The following ERLEC1 variants were observed in gnomAD, a reference collection of about 807,000 sequenced individuals.
ERLEC1 encodes the protein ER lectin.
ERLEC1 carries 47 observed loss-of-function variants against 68.0 expected under a neutral mutation model. The ratio of observed to expected loss-of-function variants is 0.69; its 90% CI spans 0.55 to 0.88. The LOEUF (loss-of-function observed/expected upper bound fraction) is 0.88. Among genes scored for constraint, ERLEC1 ranks in the 40% least tolerant of loss-of-function variants. The pLI is 0.00. For synonymous variants in ERLEC1, 225 were observed against 203.2 expected, an observed-to-expected ratio of 1.11 and a Z score of -0.91; for missense variants, 567 against 583.8, an observed-to-expected ratio of 0.97 and a Z score of 0.30.
At chr2:53,797,434 T>C in intron 3 of ERLEC1, 81 bp from the exon 4 acceptor site, 1 of 974,472 alleles carries the variant, frequency 1.0e-6, no homozygotes, top group Non-Finnish European at 1.5e-6. Context: ...TTAGGGGAAG[T>C]CTCAGCTGCT....
chr2:53,795,784 C>T (rs528302767), intron 2 of ERLEC1, 149 bp from the exon 3 acceptor site: 13 of 520,506 alleles, frequency 2.5e-5, no homozygotes, highest in South Asian at 1.1e-4. Context: ...AAAGCAATGG[C>T]GTACCGTAGG....
intron 1 of ERLEC1, chr2:53,788,590 G>T (rs1675211241): frequency 6.6e-6 from 1 of 151,538 alleles, no homozygotes; most frequent in African/African-American, 2.4e-5. Context: ...TAGAGGCAGG[G>T]TCTCACTATG....
chr2:53,798,942 C>T, intron 5 of ERLEC1, 105 bp from the exon 6 acceptor site: 2 of 881,146 alleles, frequency 2.3e-6, no homozygotes. Context: ...GTGTTTTGGA[C>T]CTTCTTTAGA....
intron 2 of ERLEC1, among the ~76,000 whole-genome samples, chr2:53,794,695 G>A (rs778498702): frequency 6.0e-5 from 9 of 151,096 alleles, no homozygotes; most frequent in African/African-American, 2.0e-4. Flanking sequence ...TCACTCTATC[G>A]CCAGGCTGGA....
chr2:53,801,365 G>T, intron 6 of ERLEC1, 32 bp from the exon 7 acceptor site: 1 of 1,568,266 alleles, frequency 6.4e-7, no homozygotes. Context: ...CATGTCTAAT[G>T]AAAAGTCTGT....
chr2:53,809,682 G>C (rs2692521), intron 10 of ERLEC1, among the ~76,000 whole-genome samples: 1 of 151,924 alleles, frequency 6.6e-6, no homozygotes, highest in African/African-American at 2.4e-5. Context: ...CTCGGGAGGC[G>C]GAGGAGGTTG....
At chr2:53,799,377 A>G (rs1037351971) in intron 6 of ERLEC1, among the ~76,000 whole-genome samples, 3 of 152,202 alleles carry the variant, frequency 2.0e-5, no homozygotes, top group African/African-American at 7.2e-5. Context: ...TTCCCTCTAT[A>G]TAACACTGGA....
At chr2:53,799,171 A>G in intron 6 of ERLEC1, 90 bp downstream of exon 6, 1 of 1,094,044 alleles carries the variant, frequency 9.1e-7, no homozygotes. Context: ...ATATATCTTT[A>G]TGTTCTTATT....
In ERLEC1 at chr2:53,801,846, T is replaced by C. The variant is rs1463568978; in HGVS notation, c.879+4T>C. The C allele has an allele frequency of 5.0e-6, 8 of 1,611,378 alleles. No individual in the cohort carries two copies. In the African/African-American group the frequency reaches 6.7e-5, roughly 13 times the overall value. On this transcript the variant is annotated splice_donor_region_variant and intron_variant, in intron 8 of 13. Coordinates refer to ENST00000185150, the MANE Select transcript of ERLEC1 (RefSeq NM_015701.5). ...GCCTTTTAGGAGAAATAAAGAGGTA[T>C]GAGAATTGTCTAATGATAGCTTTTT...
At chr2:53,802,892 C>T (rs1676079511) in intron 8 of ERLEC1, among the ~76,000 whole-genome samples, 1 of 152,124 alleles carries the variant, frequency 6.6e-6, no homozygotes, top group South Asian at 2.1e-4. Flanking sequence ...CCACCTCACC[C>T]AGCCCTACTT....
chr2:53,816,445 T>C (rs1176684985), intron 13 of ERLEC1, among the ~76,000 whole-genome samples: 1 of 151,922 alleles, frequency 6.6e-6, no homozygotes, highest in Non-Finnish European at 1.5e-5. Flanking sequence ...ATTTTTGTAT[T>C]TTTAGTAGAG....
At chr2:53,803,237 CTT>C (rs939789927) in intron 8 of ERLEC1, among the ~76,000 whole-genome samples, 7 of 152,186 alleles carry the variant, frequency 4.6e-5, no homozygotes, top group African/African-American at 1.4e-4. Flanking sequence ...TTACTGGACT[CTT>C]TGTGCATGTT....
intron 8 of ERLEC1, among the ~76,000 whole-genome samples, chr2:53,804,224 T>G (rs983503353): frequency 6.6e-6 from 1 of 152,176 alleles, no homozygotes; most frequent in Non-Finnish European, 1.5e-5. Flanking sequence ...ATTTATGGAG[T>G]ACATGAGATA....
rs950030945 is a variant in ERLEC1, at chr2:53,813,188, A to G, written c.1226+115A>G. The G allele has an allele frequency of 9.4e-6, 12 of 1,272,254 alleles. No individual in the cohort carries two copies. In the African/African-American group the frequency reaches 1.5e-4, roughly 16 times the overall value. The allele number at this position is 1,272,254 out of a possible 1,614,324, so 78.8% of individuals were successfully genotyped here. On this transcript the variant is annotated intron_variant, in intron 11 of 13. Coordinates refer to ENST00000185150, the MANE Select transcript of ERLEC1 (RefSeq NM_015701.5). ...GTAAAATCCCTGTTTAGTTTTTTTC[A>G]AGGGATATCTTTTAGGTTAGTTTTC...
chr2:53,809,742 G>C (rs1435057784), intron 10 of ERLEC1, among the ~76,000 whole-genome samples: 1 of 152,032 alleles, frequency 6.6e-6, no homozygotes, highest in Non-Finnish European at 1.5e-5. Flanking sequence ...AACAGAGTGA[G>C]ACTCCATCTC....
At chr2:53,790,225 C>G (rs75194871) in intron 1 of ERLEC1, among the ~76,000 whole-genome samples, 8,574 of 151,228 alleles carry the variant, frequency 0.057, 452 homozygotes, top group East Asian at 0.29. Context: ...TCCCCAGTAG[C>G]TGGGATTGTA....
chr2:53,807,694 AG>A (rs1676366741), intron 8 of ERLEC1, among the ~76,000 whole-genome samples: 1 of 152,210 alleles, frequency 6.6e-6, no homozygotes, highest in South Asian at 2.1e-4. Context: ...CTTAGCAAGT[AG>A]CAAAGTACTT....
intron 2 of ERLEC1, 93 bp from the exon 3 acceptor site, chr2:53,795,840 A>G (rs1001194326): frequency 2.6e-6 from 2 of 782,924 alleles, no homozygotes; most frequent in African/African-American, 1.8e-5. Flanking sequence ...ATTTCTAAGC[A>G]TTTGTGATTT....
intron 1 of ERLEC1, among the ~76,000 whole-genome samples, chr2:53,792,558 TTAA>T (rs1306545526): frequency 6.6e-6 from 1 of 152,190 alleles, no homozygotes; most frequent in Non-Finnish European, 1.5e-5. Flanking sequence ...GTTTTGAGGA[TTAA>T]TGAGTTAATG....
Sources: allele counts gnomAD v4.1 joint callset (sites outside exome capture counted in the v4.1 genomes callset), GRCh38; gene constraint gnomAD v4.1.1; transcripts MANE v1.5; gene names NCBI Gene and HGNC (gene_info 2026-07-23, HGNC 2026-07-21).